Variants in BLTP1 observed in about 807,000 individuals in gnomAD.
The protein encoded by BLTP1 is bridge-like lipid transfer protein family member 1, also known as fragile site-associated protein.
the BLTP1 span, chr4:122,298,845 A>G: frequency 1.0e-6 from 1 of 984,696 alleles, no homozygotes; most frequent in Non-Finnish European, 1.2e-6. Context: ...AAATAGCAAG[A>G]AACTGGGACT....
At chr4:122,346,049 T>C in the BLTP1 span, 1 of 983,178 alleles carries the variant, frequency 1.0e-6, no homozygotes, top group Non-Finnish European at 1.2e-6. Context: ...TATGTAGGTA[T>C]GGGCTCAGAC....
the BLTP1 span, chr4:122,312,970 G>A: frequency 1.4e-6 from 1 of 706,760 alleles, no homozygotes; most frequent in Non-Finnish European, 1.7e-6. Context: ...TTTAAAAGTT[G>A]TTTCAACTTT....
At chr4:122,340,185 G>A in the BLTP1 span, among the ~76,000 whole-genome samples, 2 of 152,048 alleles carry the variant, frequency 1.3e-5, no homozygotes, top group African/African-American at 2.4e-5. Flanking sequence ...GTGTACAGCT[G>A]GCAGCTAGAA....
chr4:122,290,943 G>A, the BLTP1 span: 5 of 733,348 alleles, frequency 6.8e-6, no homozygotes, highest in Non-Finnish European at 8.3e-6. Flanking sequence ...AACTAATCTT[G>A]TATTTCTTAT....
chr4:122,175,797 T>C, the BLTP1 span: 20 of 1,221,882 alleles, frequency 1.6e-5, no homozygotes, highest in African/African-American at 2.6e-4. Flanking sequence ...AACTAAGAAA[T>C]GAGTTAAGTA....
chr4:122,346,377 G>C, the BLTP1 span: 1 of 796,676 alleles, frequency 1.3e-6, no homozygotes, highest in Non-Finnish European at 1.5e-6. Context: ...CTGATCTTTA[G>C]AACTTCTCTG....
the BLTP1 span, chr4:122,226,433 G>A: frequency 1.8e-4 from 211 of 1,197,326 alleles, 2 homozygotes; most frequent in East Asian, 4.3e-3. Flanking sequence ...AAAAGGATTT[G>A]CGTTAAAAGT....
chr4:122,166,901 A>C, the BLTP1 span, among the ~76,000 whole-genome samples: 1 of 152,074 alleles, frequency 6.6e-6, no homozygotes. Context: ...AGTCTGTCCC[A>C]GGTTTTTCCA....
the BLTP1 span, chr4:122,162,797 A>G: frequency 3.1e-6 from 1 of 320,484 alleles, no homozygotes; most frequent in Non-Finnish European, 4.5e-6. Flanking sequence ...TAAAATAAAT[A>G]TGAACTTGAC....
chr4:122,210,845 C>T, the BLTP1 span: 2 of 1,596,094 alleles, frequency 1.3e-6, no homozygotes, highest in African/African-American at 1.3e-5. Context: ...TTTTGTCCCC[C>T]ACCCCTCAAA....
the BLTP1 span, chr4:122,243,908 AT>A: frequency 6.2e-7 from 1 of 1,609,540 alleles, no homozygotes; most frequent in Non-Finnish European, 8.5e-7. Context: ...ATGATGAAAC[AT>A]TAACAGAAGA....
the BLTP1 span, chr4:122,244,650 C>T: frequency 3.0e-5 from 29 of 982,658 alleles, no homozygotes; most frequent in East Asian, 1.6e-3. Context: ...TCGGTGGAAA[C>T]GAGCTTTCAT....
At chr4:122,198,383 C>T in the BLTP1 span, 17 of 985,164 alleles carry the variant, frequency 1.7e-5, no homozygotes, top group African/African-American at 2.8e-4. Flanking sequence ...TTAGAAAAGC[C>T]ATACATCTTT....
chr4:122,316,747 C>T, the BLTP1 span: 5 of 1,610,308 alleles, frequency 3.1e-6, no homozygotes, highest in Non-Finnish European at 4.2e-6. Flanking sequence ...CACAGATTAT[C>T]GAAGACAGGC....
At chr4:122,161,188 G>A in the BLTP1 span, 1 of 910,462 alleles carries the variant, frequency 1.1e-6, no homozygotes, top group Non-Finnish European at 1.3e-6. Context: ...ATATAATGGT[G>A]TGAAGATTTG....
At chr4:122,193,755 A>G in the BLTP1 span, 7 of 589,290 alleles carry the variant, frequency 1.2e-5, no homozygotes, top group South Asian at 5.4e-4. Flanking sequence ...GGCCATTGAT[A>G]GATTAGTGAA....
the BLTP1 span, chr4:122,188,227 TGTA>T: frequency 9.4e-7 from 1 of 1,064,016 alleles, no homozygotes; most frequent in Non-Finnish European, 1.2e-6. Flanking sequence ...CAGTTAACAA[TGTA>T]GTCCTTCTTT....
chr4:122,209,398 A>G, the BLTP1 span: 1 of 1,537,840 alleles, frequency 6.5e-7, no homozygotes, highest in South Asian at 1.2e-5. Context: ...TAATCCCAGC[A>G]CTTTGGGAGG....
At chr4:122,249,973 TC>T in the BLTP1 span, 3 of 969,510 alleles carry the variant, frequency 3.1e-6, no homozygotes, top group Non-Finnish European at 3.7e-6. Context: ...AAACTTTGCA[TC>T]TTTGAAAACT....
Sources: gnomAD v4.1 joint callset for allele counts (sites outside exome capture counted in the v4.1 genomes callset) on GRCh38, gnomAD v4.1.1 for gene constraint, MANE v1.5 for transcripts, NCBI Gene and HGNC (gene_info 2026-07-23, HGNC 2026-07-21) for gene names.